PRKN: variants seen among roughly 807,000 people sequenced by gnomAD.
PRKN encodes E3 ubiquitin-protein ligase parkin.
A neutral mutation model predicts 59.5 loss-of-function variants in PRKN; 56 were observed. The ratio of observed to expected loss-of-function variants is 0.94; its 90% confidence interval spans 0.76 to 1.18. The LOEUF (loss-of-function observed/expected upper bound fraction) is 1.18, where lower values mean the gene tolerates loss of function less well. Among genes scored for constraint, PRKN ranks in the 50% most tolerant of loss-of-function variants. The probability of loss-of-function intolerance (pLI) is 0.00; values close to 1 mark genes in which losing one functional copy is unlikely to be tolerated. For synonymous variants in PRKN, 250 were observed against 222.1 expected (o/e 1.13, Z -1.12); for missense variants, 657 against 596.4 (o/e 1.10, Z -1.06).
At chr6:161,432,385 G>A (rs975701412) in intron 9 of PRKN, among the ~76,000 whole-genome samples, 17 of 119,794 alleles carry the variant, frequency 1.4e-4, no homozygotes, top group African/African-American at 3.6e-4. Flanking sequence ...TTTTTGAGAC[G>A]AAGTCTCACT....
chr6:162,266,237 C>T (rs973355585), intron 2 of PRKN, among the ~76,000 whole-genome samples: 2 of 151,912 alleles, frequency 1.3e-5, no homozygotes, highest in African/African-American at 2.4e-5. Flanking sequence ...ATCTAAAAAT[C>T]TTTGCTTACT....
rs1210823371 is a variant in PRKN, at chr6:161,471,310, T to C, written c.1083+77544A>G. On this transcript the variant is annotated intron_variant, in intron 9 of 11. Transcript: ENST00000366898. The surrounding 1 kb of genome is among the most constrained non-coding windows in gnomAD (Gnocchi z 4.5). ...TCTGAGTTTTGGGGTTATGGGGATG[T>C]TGTTTTATTTCACTTACAGATATAC... Among the ~76,000 whole-genome samples the C allele has an allele frequency of 1.3e-5, 2 of 152,236 alleles. No individual in the cohort carries two copies. Among genetic ancestry groups the C allele is most frequent in the East Asian group, 1.9e-4 (1 of 5,202 alleles).
chr6:162,577,591 C>CTCTG (rs1780613337), intron 1 of PRKN, among the ~76,000 whole-genome samples: 1 of 149,938 alleles, frequency 6.7e-6, no homozygotes, highest in African/African-American at 2.5e-5. Context: ...CAGAGCAAGA[C>CTCTG]TCTGTCTCAA....
At chr6:161,849,160 T>G (rs1793321233) in intron 6 of PRKN, among the ~76,000 whole-genome samples, 1 of 152,286 alleles carries the variant, frequency 6.6e-6, no homozygotes, top group African/African-American at 2.4e-5. Context: ...CTCTTCCTTC[T>G]TTTTCTTAAA....
intron 6 of PRKN, among the ~76,000 whole-genome samples, chr6:161,945,271 T>C (rs1230519578): frequency 6.6e-6 from 1 of 152,056 alleles, no homozygotes; most frequent in African/African-American, 2.4e-5. Context: ...AGAAAAAAAA[T>C]TGGGTTACCA....
chr6:162,030,715 G>A (rs1405969707), intron 5 of PRKN, among the ~76,000 whole-genome samples: 1 of 152,140 alleles, frequency 6.6e-6, no homozygotes, highest in African/African-American at 2.4e-5. Flanking sequence ...CTGAGACCCT[G>A]GGCTCACACC....
At chr6:162,707,689 C>T (rs1221335618) in intron 1 of PRKN, among the ~76,000 whole-genome samples, 1 of 152,066 alleles carries the variant, frequency 6.6e-6, no homozygotes, top group African/African-American at 2.4e-5. Flanking sequence ...ATTCTCACGC[C>T]TCAGCCTCCT....
intron 5 of PRKN, among the ~76,000 whole-genome samples, chr6:162,043,602 T>C (rs937190642): frequency 3.3e-5 from 5 of 152,216 alleles, no homozygotes; most frequent in African/African-American, 1.2e-4. Flanking sequence ...TCTCAAACTG[T>C]CCAGCATGTA....
intron 1 of PRKN, among the ~76,000 whole-genome samples, chr6:162,675,213 C>T (rs1779494435): frequency 6.6e-6 from 1 of 151,888 alleles, no homozygotes; most frequent in Admixed American, 6.6e-5. Context: ...ACACGCCTGG[C>T]TAATTTTTGT....
At chr6:162,336,802 G>T (rs1170349615) in intron 2 of PRKN, among the ~76,000 whole-genome samples, 1 of 152,138 alleles carries the variant, frequency 6.6e-6, no homozygotes, top group Admixed American at 6.5e-5. Context: ...AACCATAGAG[G>T]ACAGCTCAAC....
At chr6:161,586,436 G>A (rs1781523698) in intron 7 of PRKN, among the ~76,000 whole-genome samples, 1 of 152,194 alleles carries the variant, frequency 6.6e-6, no homozygotes, top group Non-Finnish European at 1.5e-5. Flanking sequence ...CTACCCTGGT[G>A]TAGAAATGAA....
intron 1 of PRKN, among the ~76,000 whole-genome samples, chr6:162,449,250 TAAATA>T (rs969460575): frequency 1.3e-5 from 2 of 152,310 alleles, no homozygotes; most frequent in African/African-American, 2.4e-5. Flanking sequence ...GTCCAGTAGA[TAAATA>T]AAATAAACAT....
At position 161,369,062 on chromosome 6, in the gene PRKN, C is replaced by A. The variant is rs1409069337; in HGVS notation, c.1168-8857G>T. On this transcript the variant is annotated intron_variant, in intron 10 of 11. Transcript: ENST00000366898. This position sits in a 1 kb window ranked among gnomAD's most constrained non-coding sequence, Gnocchi z 5.8. Reference sequence around the variant, plus strand: ...GGGCAGGAGAAGCAGCTCTATGACACCCCGGGAGTGGGCGGTGCCCAGGCC... The same window carrying A: ...GGGCAGGAGAAGCAGCTCTATGACAACCCGGGAGTGGGCGGTGCCCAGGCC... 1.3e-5 allele frequency among the ~76,000 whole-genome samples: 2 copies of A among 152,182 alleles called. No individual in the cohort carries two copies. The highest frequency in any genetic ancestry group is 2.9e-5 in the Non-Finnish European group (2 of 68,044).
At chr6:162,092,708 A>T (rs907153810) in intron 4 of PRKN, among the ~76,000 whole-genome samples, 3 of 152,218 alleles carry the variant, frequency 2.0e-5, no homozygotes, top group Non-Finnish European at 4.4e-5. Context: ...TGATATTTCA[A>T]AGTGATATAA....
In PRKN at chr6:161,897,984, A is replaced by AAAAAAAAAAAAAT. The variant is rs1554244227; in HGVS notation, c.734+75317_734+75318insATTTTTTTTTTTT. Among the ~76,000 whole-genome samples the AAAAAAAAAAAAAT allele has an allele frequency of 5.1e-5, 6 of 117,666 alleles. 1 individual carries two copies. The highest frequency in any genetic ancestry group is 2.6e-4 in the South Asian group (1 of 3,824). The allele number at this position is 117,666 out of a possible 152,430, so 77.2% of individuals were successfully genotyped here. A position where few individuals can be genotyped will look rare whatever the true frequency, so the allele number is the denominator to read the frequency against. On this transcript the variant is annotated intron_variant, in intron 6 of 11. Transcript: ENST00000366898. ...TCCGTCTCAAAAAAAAAAAAAAAAA[A>AAAAAAAAAAAAAT]GTCTCCCAGTTGCATAGAAAAGGTT...
chr6:161,939,418 C>CAAAAAAA (rs34604240), intron 6 of PRKN, among the ~76,000 whole-genome samples: 9 of 39,590 alleles, frequency 2.3e-4, no homozygotes, highest in African/African-American at 5.5e-4. Context: ...GACTCTGTCT[C>CAAAAAAA]AAAAAAAAAA....
chr6:162,372,762 A>T (rs7748491), intron 2 of PRKN, among the ~76,000 whole-genome samples: 39,072 of 152,062 alleles, frequency 0.26, 5,197 homozygotes, highest in African/African-American at 0.27. Context: ...AATAAATAAA[A>T]TTTTTTAAAA....
At chr6:162,012,066 C>T (rs947435062) in intron 5 of PRKN, among the ~76,000 whole-genome samples, 1 of 152,094 alleles carries the variant, frequency 6.6e-6, no homozygotes, top group Non-Finnish European at 1.5e-5. Context: ...AATACAGGGT[C>T]TTCAACAACT....
chr6:161,608,136 G>A (rs968978726), intron 7 of PRKN, among the ~76,000 whole-genome samples: 2 of 152,148 alleles, frequency 1.3e-5, no homozygotes, highest in African/African-American at 2.4e-5. Flanking sequence ...ACAGCCTCAG[G>A]AGGAGTGGGA....
Sources: allele counts gnomAD v4.1 joint callset (sites outside exome capture counted in the v4.1 genomes callset), GRCh38; gene constraint gnomAD v4.1.1; non-coding constraint Gnocchi (gnomAD v3.1); transcripts MANE v1.5; gene names NCBI Gene and HGNC (gene_info 2026-07-23, HGNC 2026-07-21).